GXYLT2: variants seen among roughly 807,000 people sequenced by gnomAD.
GXYLT2 encodes the protein glycosyltransferase 8 domain containing 4.
In GXYLT2, 53 loss-of-function variants were observed where a neutral mutation model predicts 45.8. The observed-to-expected ratio is 1.16, with a 90% CI of 0.93 to 1.46. GXYLT2 has a LOEUF of 1.46. Among genes scored for constraint, GXYLT2 ranks in the 40% most tolerant of loss-of-function variants. The pLI, the probability that GXYLT2 is intolerant of heterozygous loss-of-function variation, is 0.00. For synonymous variants in GXYLT2, 219 were observed against 214.2 expected, an observed-to-expected ratio of 1.02 and a Z score of -0.19; for missense variants, 551 against 544.4, an observed-to-expected ratio of 1.01 and a Z score of -0.12.
At chr3:72,892,263 C>A (rs2107055914) in intron 1 of GXYLT2, among the ~76,000 whole-genome samples, 1 of 152,298 alleles carries the variant, frequency 6.6e-6, no homozygotes, top group East Asian at 1.9e-4. Flanking sequence ...CTAACTCTTG[C>A]AAAATCACTG....
At chr3:72,962,968 A>AAC (rs2098413737) in intron 5 of GXYLT2, among the ~76,000 whole-genome samples, 3 of 150,668 alleles carry the variant, frequency 2.0e-5, no homozygotes, top group Admixed American at 6.6e-5. Flanking sequence ...AAAAAAAAAC[A>AAC]AAAAAACTAT....
chr3:72,924,192 C>CTTTT (rs10635700), intron 3 of GXYLT2, among the ~76,000 whole-genome samples: 2 of 136,752 alleles, frequency 1.5e-5, no homozygotes, highest in African/African-American at 2.7e-5. Flanking sequence ...TGGTCTTTGT[C>CTTTT]TTTTTTTTTT....
intron 5 of GXYLT2, among the ~76,000 whole-genome samples, chr3:72,958,593 A>G (rs1393667835): frequency 6.6e-6 from 1 of 150,434 alleles, no homozygotes; most frequent in Non-Finnish European, 1.5e-5. Context: ...CCAATTTAGT[A>G]GAGGAAAGGG....
At chr3:72,894,003 G>T (rs967013542) in intron 1 of GXYLT2, among the ~76,000 whole-genome samples, 2 of 152,052 alleles carry the variant, frequency 1.3e-5, no homozygotes, top group Non-Finnish European at 2.9e-5. Flanking sequence ...TGGTCCACAG[G>T]TATGTCATAT....
At chr3:72,937,326 T>C (rs542670246) in intron 3 of GXYLT2, among the ~76,000 whole-genome samples, 28 of 152,336 alleles carry the variant, frequency 1.8e-4, no homozygotes, top group African/African-American at 6.5e-4. Context: ...GTGATGAAAA[T>C]GCGTTTTTTA....
intron 3 of GXYLT2, among the ~76,000 whole-genome samples, chr3:72,948,835 CAAAAAAAA>C (rs1234193329): frequency 1.3e-5 from 1 of 74,970 alleles, no homozygotes; most frequent in Non-Finnish European, 3.0e-5. Flanking sequence ...GATTCTGTCT[CAAAAAAAA>C]AAAAAAAAAA....
chr3:72,891,260 G>A (rs552881451), intron 1 of GXYLT2, among the ~76,000 whole-genome samples: 9 of 152,238 alleles, frequency 5.9e-5, no homozygotes, highest in Non-Finnish European at 8.8e-5. Context: ...TTAGCTGAGA[G>A]CCTGGAGTTG....
At chr3:72,927,965 C>T (rs967528002) in intron 3 of GXYLT2, among the ~76,000 whole-genome samples, 1 of 152,210 alleles carries the variant, frequency 6.6e-6, no homozygotes, top group Non-Finnish European at 1.5e-5. Context: ...CTGCAAAGTC[C>T]ACACTGTAGG....
At chr3:72,932,399 T>A (rs1710055957) in intron 3 of GXYLT2, among the ~76,000 whole-genome samples, 1 of 152,258 alleles carries the variant, frequency 6.6e-6, no homozygotes, top group Non-Finnish European at 1.5e-5. Flanking sequence ...TATTTAATTT[T>A]GTTTAATTCA....
chr3:72,968,133 C>T (rs1710904254), intron 6 of GXYLT2, among the ~76,000 whole-genome samples: 1 of 152,164 alleles, frequency 6.6e-6, no homozygotes, highest in Non-Finnish European at 1.5e-5. Context: ...GCCGCCATGC[C>T]TGGCAAATTT....
At chr3:72,929,318 G>T in intron 3 of GXYLT2, 5 of 1,148,328 alleles carry the variant, frequency 4.4e-6, no homozygotes, top group Non-Finnish European at 6.5e-6. Flanking sequence ...AGACTGTGAC[G>T]ACTGGGAGAG....
intron 5 of GXYLT2, among the ~76,000 whole-genome samples, chr3:72,963,501 TTTTTTG>T (rs1710805519): frequency 1.2e-5 from 1 of 83,224 alleles, no homozygotes; most frequent in Admixed American, 1.6e-4. Context: ...AGGTCCGGAG[TTTTTTG>T]TTTTTTTTTT....
At chr3:72,936,955 G>A (rs1267740672) in intron 3 of GXYLT2, among the ~76,000 whole-genome samples, 1 of 152,114 alleles carries the variant, frequency 6.6e-6, no homozygotes, top group African/African-American at 2.4e-5. Flanking sequence ...ACACACAGAG[G>A]TATATACCTA....
chr3:72,941,293 A>C (rs1048860988), intron 3 of GXYLT2, among the ~76,000 whole-genome samples: 1 of 152,180 alleles, frequency 6.6e-6, no homozygotes, highest in Admixed American at 6.5e-5. Flanking sequence ...TTTGAATGCT[A>C]TCCTCATCAG....
At chr3:72,893,608 C>T (rs1326007458) in intron 1 of GXYLT2, among the ~76,000 whole-genome samples, 1 of 152,138 alleles carries the variant, frequency 6.6e-6, no homozygotes, top group East Asian at 1.9e-4. Flanking sequence ...GATAGATGAT[C>T]TCATAGCAGA....
chr3:72,903,867 T>C (rs564173954), intron 1 of GXYLT2, among the ~76,000 whole-genome samples: 1 of 152,324 alleles, frequency 6.6e-6, no homozygotes, highest in East Asian at 1.9e-4. Flanking sequence ...GTTGTAAGTT[T>C]GTTTCAAATT....
intron 3 of GXYLT2, among the ~76,000 whole-genome samples, chr3:72,952,541 C>T (rs1326966780): frequency 6.6e-6 from 1 of 152,044 alleles, no homozygotes; most frequent in Non-Finnish European, 1.5e-5. Flanking sequence ...TACTAGTCTG[C>T]TTGGGCTGCC....
At chr3:72,967,247 A>G (rs941087598) in intron 5 of GXYLT2, among the ~76,000 whole-genome samples, 1 of 152,200 alleles carries the variant, frequency 6.6e-6, no homozygotes, top group African/African-American at 2.4e-5. Flanking sequence ...AGTGGTTTTG[A>G]GTGAGAGAGT....
chr3:72,941,410 T>G (rs533329599), intron 3 of GXYLT2, among the ~76,000 whole-genome samples: 2 of 152,148 alleles, frequency 1.3e-5, no homozygotes, highest in Non-Finnish European at 2.9e-5. Flanking sequence ...CATACTAACT[T>G]TCAGCATTAT....
Sources: allele counts gnomAD v4.1 joint callset (sites outside exome capture counted in the v4.1 genomes callset), GRCh38; gene constraint gnomAD v4.1.1; transcripts MANE v1.5; gene names NCBI Gene and HGNC (gene_info 2026-07-23, HGNC 2026-07-21).